Variants in AP2B1 observed in about 807,000 individuals in gnomAD.
AP2B1 encodes AP-2 complex subunit beta.
Under a neutral mutation model 102.0 loss-of-function variants are expected in AP2B1, and 23 were observed. That is an observed-to-expected ratio of 0.23 (90% CI 0.16 to 0.32). The LOEUF is 0.32. AP2B1 is among the 10% of genes least tolerant of loss of function. The probability of loss-of-function intolerance (pLI) is 1.00; values close to 1 mark genes in which losing one functional copy is unlikely to be tolerated. For synonymous variants in AP2B1, 381 were observed against 421.2 expected (o/e 0.90, Z 1.17); for missense variants, 541 against 1,157.4 (o/e 0.47, Z 7.73).
chr17:35,638,151 T>A (rs2074663453), intron 10 of AP2B1, among the ~76,000 whole-genome samples: 1 of 152,118 alleles, frequency 6.6e-6, no homozygotes, highest in Admixed American at 6.6e-5. Flanking sequence ...TTAAACTTAT[T>A]AAGGGTGAAG....
At chr17:35,596,927 T>G (rs225298) in intron 2 of AP2B1, 586,655 of 701,034 alleles carry the variant, frequency 0.84, 246,710 homozygotes, top group East Asian at 0.97. Context: ...CCCGATGCCC[T>G]ATGCCAGGAG....
chr17:35,662,302 T>C (rs1455635537), intron 14 of AP2B1, among the ~76,000 whole-genome samples: 2 of 151,506 alleles, frequency 1.3e-5, no homozygotes, highest in African/African-American at 4.8e-5. Context: ...TTTCAGCATA[T>C]TCTCTTTTGC....
intron 2 of AP2B1, among the ~76,000 whole-genome samples, chr17:35,595,381 G>GA (rs1473670739): frequency 1.3e-5 from 2 of 151,558 alleles, no homozygotes; most frequent in South Asian, 2.1e-4. Flanking sequence ...CTATCTCTAT[G>GA]AAAAAAAATT....
In AP2B1 at chr17:35,608,303, A is replaced by G. The variant is rs562777024; in HGVS notation, c.441A>G (p.Lys147=). Reference sequence around the variant, plus strand: ...AAACAGCAGCAGTCTGCGTGGCAAAACTCCATGATATCAATGCCCAAATGG... The same window carrying G: ...AAACAGCAGCAGTCTGCGTGGCAAAGCTCCATGATATCAATGCCCAAATGG... The part of the protein sequence containing the change: ...VRKTAAVCVA[K]LHDINAQMVE... The change falls in exon 5 of 22, where the codon AAA becomes AAG. Residue 147 remains lysine, a synonymous_variant. Coordinates refer to ENST00000610402, the MANE Select transcript of AP2B1 (RefSeq NM_001030006.2). The G allele has an allele frequency of 1.9e-6, 3 of 1,613,892 alleles. No individual in the cohort carries two copies. In the South Asian group the frequency reaches 3.3e-5, roughly 18 times the overall value.
chr17:35,689,443 A>C (rs587702496), intron 18 of AP2B1, among the ~76,000 whole-genome samples: 1 of 152,296 alleles, frequency 6.6e-6, no homozygotes, highest in East Asian at 1.9e-4. Context: ...GATTACAGGT[A>C]TGAGCTACCA....
chr17:35,717,445 G>C, intron 21 of AP2B1, 96 bp downstream of exon 21: 1 of 1,378,928 alleles, frequency 7.3e-7, no homozygotes, highest in African/African-American at 1.5e-5. Flanking sequence ...TGGAGGAGGT[G>C]CTTTAAACCT....
chr17:35,672,129 T>C (rs1038070597), intron 16 of AP2B1, among the ~76,000 whole-genome samples: 5 of 152,242 alleles, frequency 3.3e-5, no homozygotes, highest in African/African-American at 1.2e-4. Context: ...TATTAATTAT[T>C]TGAGTTTTGT....
intron 1 of AP2B1, among the ~76,000 whole-genome samples, chr17:35,592,361 A>AT (rs2073126969): frequency 1.3e-5 from 2 of 151,934 alleles, no homozygotes; most frequent in East Asian, 1.9e-4. Flanking sequence ...ATATTTATAT[A>AT]TTTTTTTCCC....
At chr17:35,637,718 C>T (rs1437489433) in intron 10 of AP2B1, among the ~76,000 whole-genome samples, 1 of 148,528 alleles carries the variant, frequency 6.7e-6, no homozygotes, top group African/African-American at 2.5e-5. Context: ...GACAGTCTCA[C>T]TCTGTTGCCC....
intron 20 of AP2B1, among the ~76,000 whole-genome samples, chr17:35,714,105 C>G (rs2076504358): frequency 6.6e-6 from 1 of 152,170 alleles, no homozygotes. Flanking sequence ...AAGAAAAGCT[C>G]AGAGACTTAA....
In AP2B1 at chr17:35,605,668, G is replaced by A. The variant is rs776153095; in HGVS notation, c.144-37G>A. ...GTCCAACAGCTTGGCACCAACACCT[G>A]CTTACTTTCCTTTTCTCTTTTACCC... On this transcript the variant is annotated intron_variant, in intron 3 of 21. Transcript: ENST00000610402. 2.0e-6 allele frequency: 3 copies of A among 1,517,222 alleles called. No homozygotes were observed. In the East Asian group the frequency reaches 6.8e-5, roughly 34 times the overall value. The allele number at this position is 1,517,222 out of a possible 1,614,324, so 94.0% of individuals were successfully genotyped here.
intron 10 of AP2B1, among the ~76,000 whole-genome samples, chr17:35,637,535 C>G (rs1042731585): frequency 1.3e-5 from 2 of 151,994 alleles, no homozygotes; most frequent in African/African-American, 2.4e-5. Context: ...AGTAAGTTAG[C>G]TTAGTGGTGG....
At chr17:35,600,422 A>G (rs1326652188) in intron 3 of AP2B1, among the ~76,000 whole-genome samples, 1 of 152,012 alleles carries the variant, frequency 6.6e-6, no homozygotes, top group Non-Finnish European at 1.5e-5. Context: ...TTCTAGTTAT[A>G]ACAAAAAAAA....
intron 18 of AP2B1, among the ~76,000 whole-genome samples, chr17:35,687,309 G>A (rs760370625): frequency 1.7e-4 from 25 of 151,492 alleles, no homozygotes; most frequent in African/African-American, 4.9e-5. Context: ...TTGTAGAGAC[G>A]GGGTCTCTCC....
intron 17 of AP2B1, among the ~76,000 whole-genome samples, chr17:35,675,897 C>G (rs1014045913): frequency 6.6e-6 from 1 of 152,016 alleles, no homozygotes; most frequent in Non-Finnish European, 1.5e-5. Flanking sequence ...TCACAGTTGT[C>G]TAATGTTTTT....
At chr17:35,640,019 C>T (rs994732041) in intron 11 of AP2B1, among the ~76,000 whole-genome samples, 3 of 151,964 alleles carry the variant, frequency 2.0e-5, no homozygotes, top group African/African-American at 7.3e-5. Context: ...TGGGTTCAAG[C>T]GATTCTCCTG....
chr17:35,646,308 G>C (rs2074931712), intron 12 of AP2B1, among the ~76,000 whole-genome samples: 1 of 152,076 alleles, frequency 6.6e-6, no homozygotes, highest in African/African-American at 2.4e-5. Flanking sequence ...AATTACTGTG[G>C]CCTCCATGTA....
chr17:35,636,291 G>A (rs1383221911), intron 9 of AP2B1, 50 bp from the exon 10 acceptor site: 2 of 1,335,064 alleles, frequency 1.5e-6, no homozygotes, highest in African/African-American at 1.4e-5. Context: ...TTGAGGTGGT[G>A]TTATCGCATA....
intron 18 of AP2B1, among the ~76,000 whole-genome samples, chr17:35,702,114 G>T (rs2076250410): frequency 6.6e-6 from 1 of 152,208 alleles, no homozygotes; most frequent in African/African-American, 2.4e-5. Context: ...CACAAGTGGG[G>T]TATGTGGCAT....
Sources: gnomAD v4.1 joint callset for allele counts (sites outside exome capture counted in the v4.1 genomes callset) on GRCh38, gnomAD v4.1.1 for gene constraint, MANE v1.5 for transcripts, NCBI Gene and HGNC (gene_info 2026-07-23, HGNC 2026-07-21) for gene names.